The following TBC1D22B variants were observed in gnomAD, a reference collection of about 807,000 sequenced individuals.
The protein encoded by TBC1D22B is TBC1 domain family member 22B.
In TBC1D22B, 32 loss-of-function variants were observed where a neutral mutation model predicts 69.1. That is an observed-to-expected ratio of 0.46 (90% confidence interval 0.35 to 0.62). The LOEUF (loss-of-function observed/expected upper bound fraction) is 0.62. TBC1D22B is among the 20% of genes least tolerant of loss of function. The probability of loss-of-function intolerance (pLI) is 0.00; values close to 1 mark genes in which losing one functional copy is unlikely to be tolerated. For missense variants in TBC1D22B, 462 were observed against 630.9 expected (o/e 0.73, Z 2.87); for synonymous variants, 206 against 229.8 (o/e 0.90, Z 0.94).
chr6:37,330,955 C>T (rs551967422), intron 12 of TBC1D22B, 89 bp from the exon 13 acceptor site: 2 of 1,466,506 alleles, frequency 1.4e-6, no homozygotes, highest in East Asian at 2.3e-5. Context: ...GGAAGGGGCC[C>T]CATTCTAGGC....
chr6:37,266,095 T>C (rs1246779042), intron 1 of TBC1D22B, among the ~76,000 whole-genome samples: 1 of 152,212 alleles, frequency 6.6e-6, no homozygotes, highest in Non-Finnish European at 1.5e-5. Flanking sequence ...CCACCAGGAA[T>C]TGTGCTAAAG....
At chr6:37,265,501 G>C (rs1210923349) in intron 1 of TBC1D22B, among the ~76,000 whole-genome samples, 1 of 151,344 alleles carries the variant, frequency 6.6e-6, no homozygotes, top group Non-Finnish European at 1.5e-5. Context: ...ATTATTTGCA[G>C]CTGCTAATGT....
At chr6:37,287,251 A>G (rs1324142922) in intron 7 of TBC1D22B, among the ~76,000 whole-genome samples, 179 bp downstream of exon 7, 1 of 152,246 alleles carries the variant, frequency 6.6e-6, no homozygotes, top group Non-Finnish European at 1.5e-5. Flanking sequence ...GAGCGGAATA[A>G]CACTTTGAAA....
intron 2 of TBC1D22B, among the ~76,000 whole-genome samples, chr6:37,270,927 A>AGGG (rs1766466139): frequency 1.3e-5 from 2 of 152,156 alleles, no homozygotes; most frequent in Non-Finnish European, 2.9e-5. Context: ...TGAGAAGATC[A>AGGG]GTTGCCAAGG....
intron 8 of TBC1D22B, among the ~76,000 whole-genome samples, chr6:37,298,112 G>A (rs1767444543): frequency 6.6e-6 from 1 of 152,098 alleles, no homozygotes; most frequent in Admixed American, 6.5e-5. Context: ...AGGTTGATGG[G>A]TGCAGCAAAC....
intron 2 of TBC1D22B, among the ~76,000 whole-genome samples, chr6:37,276,880 G>A (rs1051193613): frequency 6.6e-6 from 1 of 151,908 alleles, no homozygotes; most frequent in African/African-American, 2.4e-5. Context: ...GACAGAGCAA[G>A]GCTCCTTTTC....
chr6:37,294,001 T>A (rs1002048508), intron 8 of TBC1D22B, among the ~76,000 whole-genome samples: 1 of 152,194 alleles, frequency 6.6e-6, no homozygotes, highest in Non-Finnish European at 1.5e-5. Context: ...AAGTTGGTTT[T>A]CATGAAGTTT....
At chr6:37,278,695 C>T (rs1249964829) in intron 2 of TBC1D22B, among the ~76,000 whole-genome samples, 3 of 151,984 alleles carry the variant, frequency 2.0e-5, no homozygotes, top group Non-Finnish European at 4.4e-5. Context: ...TTTGGGAGGC[C>T]GAGGTGGGAG....
At chr6:37,282,037 G>A (rs975375244) in intron 3 of TBC1D22B, 148 bp from the exon 4 acceptor site, 4 of 834,200 alleles carry the variant, frequency 4.8e-6, no homozygotes, top group East Asian at 2.7e-5. Context: ...CTGGCCCCTC[G>A]CTGCCCTTCA....
At chr6:37,307,357 CT>C (rs1162970941) in intron 8 of TBC1D22B, among the ~76,000 whole-genome samples, 125 of 137,696 alleles carry the variant, frequency 9.1e-4, no homozygotes, top group Non-Finnish European at 1.1e-3. Context: ...TCTTTTTTTT[CT>C]TTTTTTTTTT....
rs142804781 is a variant in TBC1D22B at position 37,314,344 on chromosome 6, C to T, written c.1165+453C>T. ...CCATTGCCTTCAGCATCCAGCCTGT[C>T]GTCCGGCCTTGTCCTTCACGTTATG... On this transcript the variant is annotated intron_variant, in intron 10 of 12. Coordinates refer to ENST00000373491, the MANE Select transcript of TBC1D22B (RefSeq NM_017772.4). Among the ~76,000 whole-genome samples the T allele has an allele frequency of 2.3e-3, 351 of 152,330 alleles. 8 individuals are homozygous for T. The highest frequency in any genetic ancestry group is 0.019 in the Admixed American group (298 of 15,296).
At chr6:37,264,961 G>A (rs1171093809) in intron 1 of TBC1D22B, among the ~76,000 whole-genome samples, 1 of 152,186 alleles carries the variant, frequency 6.6e-6, no homozygotes, top group Non-Finnish European at 1.5e-5. Flanking sequence ...AGGAAATTGA[G>A]CACCTTAATC....
rs1766856169 is a variant in TBC1D22B at position 37,282,236 on chromosome 6, G to A, written c.473G>A (p.Arg158Gln). 4 of 1,614,084 alleles carry A rather than the reference G, an allele frequency of 2.5e-6. No individual in the cohort carries two copies. Among genetic ancestry groups the A allele is most frequent in the East Asian group, 2.2e-5 (1 of 44,880 alleles). ...PLHKQQSLPLRPIIPLVARIS... is the reference protein window; with the variant it reads ...PLHKQQSLPLQPIIPLVARIS... ...CACAAACAGCAATCACTCCCTCTCC[G>A]GCCCATCATCCCCCTCGTTGCCCGG... Residue 158 changes from arginine (R) to glutamine (Q), a missense_variant, in exon 4 of 13, where the codon CGG becomes CAG. By Grantham distance (43) the Arg-to-Gln change is conservative. Around this residue, in one of 2 missense-constraint regions of TBC1D22B, gnomAD observed 237 missense variants for 255.4 expected, o/e 0.93. Transcript: ENST00000373491.
Position 37,282,235 on chromosome 6 carries a change from C to T in TBC1D22B, c.472C>T (p.Arg158Trp), listed in dbSNP as rs771598747. 5.6e-6 allele frequency: 9 copies of T among 1,614,098 alleles called. No individual in the cohort carries two copies. Among genetic ancestry groups the T allele is most frequent in the Admixed American group, 1.7e-5 (1 of 60,004 alleles). Residue 158 changes from arginine to tryptophan, a missense_variant, in exon 4 of 13, where the codon CGG becomes TGG. By Grantham distance (101) the Arg-to-Trp change is moderately radical. Around this residue, in one of 2 missense-constraint regions of TBC1D22B, gnomAD observed 237 missense variants for 255.4 expected, o/e 0.93. Transcript: ENST00000373491. ...PLHKQQSLPL[R>W]PIIPLVARIS... Reference sequence around the variant, plus strand: ...CCACAAACAGCAATCACTCCCTCTCCGGCCCATCATCCCCCTCGTTGCCCG... The same window carrying T: ...CCACAAACAGCAATCACTCCCTCTCTGGCCCATCATCCCCCTCGTTGCCCG...
chr6:37,260,130 A>G (rs1295598479), intron 1 of TBC1D22B, among the ~76,000 whole-genome samples: 2 of 152,232 alleles, frequency 1.3e-5, no homozygotes, highest in Non-Finnish European at 2.9e-5. Flanking sequence ...TCATAGGAGA[A>G]AACTAAGGTT....
intron 2 of TBC1D22B, among the ~76,000 whole-genome samples, chr6:37,278,391 T>C (rs1766727665): frequency 6.6e-6 from 1 of 152,256 alleles, no homozygotes; most frequent in Non-Finnish European, 1.5e-5. Context: ...ATATGTGGAC[T>C]ACCTAAAATT....
chr6:37,282,885 A>T lies in TBC1D22B; in HGVS notation c.605A>T (p.Glu202Val). 6.2e-7 allele frequency: 1 copy of T among 1,614,064 alleles called. No individual in the cohort carries two copies. The highest frequency in any genetic ancestry group is 8.5e-7 in the Non-Finnish European group (1 of 1,179,958). Residue 202 changes from glutamate (E) to valine (V), a missense_variant, in exon 5 of 13, where the codon GAA becomes GTA. By Grantham distance (121) the Glu-to-Val change is moderately radical. This residue lies in a region of TBC1D22B where 237 missense variants were observed against 255.4 expected (regional missense o/e 0.93). Transcript: ENST00000373491. ...LLSSQNTDLD[E>V]LRKCSWPGVP... ...CAAGGCTGTTTTCTATTTACAGATGAACTGAGGAAGTGTAGCTGGCCAGGG... is the reference window on the plus strand; with the variant it reads ...CAAGGCTGTTTTCTATTTACAGATGTACTGAGGAAGTGTAGCTGGCCAGGG...
intron 12 of TBC1D22B, among the ~76,000 whole-genome samples, chr6:37,318,705 G>C (rs564266380): frequency 6.6e-6 from 1 of 152,104 alleles, no homozygotes; most frequent in Non-Finnish European, 1.5e-5. Flanking sequence ...ACCCCTGGGT[G>C]GGGGTGCTTC....
intron 1 of TBC1D22B, among the ~76,000 whole-genome samples, chr6:37,263,835 T>C (rs1766184462): frequency 6.6e-6 from 1 of 152,174 alleles, no homozygotes; most frequent in African/African-American, 2.4e-5. Flanking sequence ...CCACCCACCT[T>C]GGCCTCCCAA....
Sources: gnomAD v4.1 joint callset for allele counts (sites outside exome capture counted in the v4.1 genomes callset) on GRCh38, gnomAD v4.1.1 for gene constraint, gnomAD v4.1.1 regional missense constraint, MANE v1.5 for transcripts, NCBI Gene and HGNC (gene_info 2026-07-23, HGNC 2026-07-21) for gene names.